Variants in LCORL observed in about 807,000 individuals in gnomAD.
LCORL encodes ligand dependent nuclear receptor corepressor like.
A neutral mutation model predicts 141.8 loss-of-function variants in LCORL; 41 were observed. The observed-to-expected ratio is 0.29, with a 90% CI of 0.23 to 0.38. The LOEUF (loss-of-function observed/expected upper bound fraction) is 0.38, where lower values mean the gene tolerates loss of function less well. Ranked by LOEUF, LCORL falls within the 10% of genes least tolerant of loss-of-function variation. The pLI, the probability that LCORL is intolerant of heterozygous loss-of-function variation, is 1.00. For missense variants in LCORL, 1,759 were observed against 2,035.0 expected, an observed-to-expected ratio of 0.86 and a Z score of 2.61; for synonymous variants, 618 against 694.1, an observed-to-expected ratio of 0.89 and a Z score of 1.72.
intron 7 of LCORL, among the ~76,000 whole-genome samples, chr4:17,864,027 G>A (rs1235025666): frequency 6.6e-6 from 1 of 152,098 alleles, no homozygotes; most frequent in Non-Finnish European, 1.5e-5. Flanking sequence ...GGAGAGGACT[G>A]AAAAACTACC....
At chr4:17,979,931 G>A (rs908090536) in intron 1 of LCORL, among the ~76,000 whole-genome samples, 1 of 152,170 alleles carries the variant, frequency 6.6e-6, no homozygotes, top group Non-Finnish European at 1.5e-5. Flanking sequence ...ATGAAATTGT[G>A]AGAAAGAATC....
exon 7 of LCORL, chr4:17,878,185 C>G: frequency 8.1e-7 from 1 of 1,229,654 alleles, no homozygotes; most frequent in South Asian, 4.1e-5. Flanking sequence ...ATTTTAGTAG[C>G]TTCCTCTGAT....
intron 5 of LCORL, among the ~76,000 whole-genome samples, chr4:17,905,573 G>A (rs1731480547): frequency 6.6e-6 from 1 of 151,612 alleles, no homozygotes; most frequent in African/African-American, 2.4e-5. Flanking sequence ...TAGAAAAAAA[G>A]GAAAGCACAA....
At chr4:17,895,326 C>A (rs1729750596) in intron 5 of LCORL, among the ~76,000 whole-genome samples, 1 of 152,084 alleles carries the variant, frequency 6.6e-6, no homozygotes, top group African/African-American at 2.4e-5. Context: ...CCTTTTCCAG[C>A]CTCTGGTAAT....
intron 4 of LCORL, among the ~76,000 whole-genome samples, chr4:17,946,858 T>C (rs539726398): frequency 2.0e-4 from 30 of 151,928 alleles, no homozygotes; most frequent in Admixed American, 5.9e-4. Context: ...CTAAGAGCTA[T>C]TAAAAGAAGA....
chr4:17,966,252 A>G (rs1714844403), intron 2 of LCORL, among the ~76,000 whole-genome samples: 1 of 152,130 alleles, frequency 6.6e-6, no homozygotes, highest in East Asian at 1.9e-4. Context: ...ATAAACCTCC[A>G]GACAAATCTG....
intron 6 of LCORL, among the ~76,000 whole-genome samples, chr4:17,879,914 C>G (rs934912114): frequency 6.6e-6 from 1 of 150,842 alleles, no homozygotes; most frequent in Non-Finnish European, 1.5e-5. Context: ...TTAATAAAGC[C>G]AGGTATGTGG....
At chr4:17,876,804 A>G (rs1726970606) in exon 7 of LCORL, 1 of 1,230,566 alleles carries the variant, frequency 8.1e-7, no homozygotes, top group South Asian at 4.1e-5. Context: ...TCTTATGCTC[A>G]TTTTCTCAGG....
At chr4:17,919,032 T>A (rs1401639525) in intron 4 of LCORL, among the ~76,000 whole-genome samples, 4 of 151,984 alleles carry the variant, frequency 2.6e-5, no homozygotes, top group African/African-American at 7.3e-5. Flanking sequence ...AAAGAAGGCC[T>A]GAGTTATTTT....
At chr4:18,006,517 G>C (rs1336306067) in intron 1 of LCORL, among the ~76,000 whole-genome samples, 1 of 152,128 alleles carries the variant, frequency 6.6e-6, no homozygotes, top group Non-Finnish European at 1.5e-5. Context: ...TGCTGATAAA[G>C]ACATACCCAA....
At chr4:17,881,382 G>C in intron 6 of LCORL, 1 of 978,646 alleles carries the variant, frequency 1.0e-6, no homozygotes, top group Non-Finnish European at 1.2e-6. Flanking sequence ...GCCTTTCCTA[G>C]TTTGTATAAT....
chr4:17,912,727 C>A (rs111390822), intron 4 of LCORL: 17,515 of 400,288 alleles, frequency 0.044, 1,181 homozygotes, highest in African/African-American at 0.21. Context: ...TCCTCCTGCA[C>A]CTGGAGTCGG....
chr4:17,996,182 T>A (rs1720896015), intron 1 of LCORL, among the ~76,000 whole-genome samples: 1 of 152,064 alleles, frequency 6.6e-6, no homozygotes, highest in Admixed American at 6.6e-5. Context: ...CCAACCAGGA[T>A]ATATCCATAT....
chr4:17,925,583 A>G (rs942727485), intron 4 of LCORL, among the ~76,000 whole-genome samples: 5 of 152,080 alleles, frequency 3.3e-5, no homozygotes, highest in African/African-American at 1.2e-4. Context: ...TGTTAAGAAC[A>G]TGTTGTGGCT....
At chr4:17,957,003 G>C (rs1243664051) in intron 4 of LCORL, among the ~76,000 whole-genome samples, 1 of 151,974 alleles carries the variant, frequency 6.6e-6, no homozygotes, top group Non-Finnish European at 1.5e-5. Flanking sequence ...GGTAAAATTA[G>C]ATTTGGGAGG....
At chr4:17,889,748 G>T (rs1737468646) in intron 5 of LCORL, among the ~76,000 whole-genome samples, 1 of 151,858 alleles carries the variant, frequency 6.6e-6, no homozygotes, top group African/African-American at 2.4e-5. Context: ...GGGGGTGGGG[G>T]AAGGATATTT....
intron 1 of LCORL, among the ~76,000 whole-genome samples, chr4:17,979,304 G>A (rs1317111493): frequency 6.6e-6 from 1 of 152,116 alleles, no homozygotes; most frequent in Non-Finnish European, 1.5e-5. Context: ...CCAGTTTTGT[G>A]CTCCCTGTTT....
At chr4:17,911,865 C>T (rs771704310) in intron 4 of LCORL, 12 of 467,464 alleles carry the variant, frequency 2.6e-5, no homozygotes, top group Non-Finnish European at 4.5e-5. Context: ...GGGACCTGGC[C>T]GTGGGGATGG....
At chr4:17,883,442 G>C in intron 6 of LCORL, 1 of 1,159,774 alleles carries the variant, frequency 8.6e-7, no homozygotes. Context: ...AAGAAAACCT[G>C]AATCTTTTTC....
Sources: allele counts gnomAD v4.1 joint callset (sites outside exome capture counted in the v4.1 genomes callset), GRCh38; gene constraint gnomAD v4.1.1; transcripts MANE v1.5; gene names NCBI Gene and HGNC (gene_info 2026-07-23, HGNC 2026-07-21).